The following PRDM12 variants were observed in gnomAD, a reference collection of about 807,000 sequenced individuals.
The protein encoded by PRDM12 is PR domain zinc finger protein 12.
Under a neutral mutation model 29.6 loss-of-function variants are expected in PRDM12, and 17 were observed. That is an observed-to-expected ratio of 0.57 (90% CI 0.39 to 0.86). The LOEUF is 0.86. Ranked by LOEUF, PRDM12 falls within the 40% of genes least tolerant of loss-of-function variation. The pLI is 0.00. For missense variants in PRDM12, 422 were observed against 510.8 expected, an observed-to-expected ratio of 0.83 and a Z score of 1.68; for synonymous variants, 231 against 225.8, an observed-to-expected ratio of 1.02 and a Z score of -0.21.
At chr9:130,679,621 C>T (rs73551840) in intron 4 of PRDM12, among the ~76,000 whole-genome samples, 7,624 of 152,038 alleles carry the variant, frequency 0.05, 640 homozygotes, top group African/African-American at 0.17. Context: ...GCGTAAGCCA[C>T]GGCACCTGGC....
At chr9:130,669,741 G>A (rs548504439) in intron 3 of PRDM12, among the ~76,000 whole-genome samples, 4 of 150,072 alleles carry the variant, frequency 2.7e-5, no homozygotes, top group East Asian at 2.0e-4. Flanking sequence ...GCGTGAACCC[G>A]GGAGGCGGAG....
chr9:130,676,317 C>T (rs1564247700), intron 3 of PRDM12, among the ~76,000 whole-genome samples: 1 of 151,940 alleles, frequency 6.6e-6, no homozygotes, highest in African/African-American at 2.4e-5. Flanking sequence ...GGTGAAACCC[C>T]GTCTCTACTA....
chr9:130,666,418 A>C (rs1830733522), intron 1 of PRDM12, among the ~76,000 whole-genome samples, 190 bp from the exon 2 acceptor site: 1 of 152,250 alleles, frequency 6.6e-6, no homozygotes, highest in Non-Finnish European at 1.5e-5. Flanking sequence ...TCCAGGTTGC[A>C]AACAGAGGAG....
At chr9:130,676,737 A>T (rs2132602139) in intron 3 of PRDM12, among the ~76,000 whole-genome samples, 1 of 152,160 alleles carries the variant, frequency 6.6e-6, no homozygotes, top group Admixed American at 6.5e-5. Context: ...ATGTTTCCAC[A>T]TTGGCTTCTC....
chr9:130,673,774 C>T (rs1394595085), intron 3 of PRDM12, among the ~76,000 whole-genome samples: 3 of 145,998 alleles, frequency 2.1e-5, no homozygotes, highest in East Asian at 2.1e-4. Flanking sequence ...TGGATTCAAG[C>T]GATTCTCCTG....
Position 130,664,603 on chromosome 9 carries a change from C to A in PRDM12, c.-51C>A. 1 of 1,437,634 alleles carries A rather than the reference C, an allele frequency of 7.0e-7. No homozygotes were observed. Among genetic ancestry groups the A allele is most frequent in the Non-Finnish European group, 9.2e-7 (1 of 1,084,412 alleles). The allele number at this position is 1,437,634 out of a possible 1,614,324, so 89.1% of individuals were successfully genotyped here. ...TTGGGCTCCCCTCTCGCCCGCCCAC[C>A]TCCCCCGTCGGCCCGGCCGTCCCCC... On this transcript the variant is annotated 5_prime_UTR_variant, in exon 1 of 5. Transcript: ENST00000253008. This position sits in a 1 kb window ranked among gnomAD's most constrained non-coding sequence, Gnocchi z 6.4.
chr9:130,664,685 T>C lies in PRDM12; in HGVS notation c.32T>C (p.Leu11Pro). The C allele has an allele frequency of 6.3e-7, 1 of 1,586,302 alleles. No individual in the cohort carries two copies. The highest frequency in any genetic ancestry group is 1.1e-5 in the South Asian group (1 of 89,894). The change falls in exon 1 of 5, where the codon CTG (leucine) becomes CCG (proline). Residue 11 changes from leucine to proline, a missense_variant. Leu to Pro is a moderately conservative substitution (Grantham distance 98, BLOSUM62 -3). Coordinates refer to ENST00000253008, the MANE Select transcript of PRDM12 (RefSeq NM_021619.3). The surrounding 1 kb of genome is among the most constrained non-coding windows in gnomAD (Gnocchi z 6.4). Reference sequence around the variant, plus strand: ...GGCTCCGTGCTCCCGGCTGAGGCCCTGGTGCTCAAGACCGGGCTGAAGGCG... The same window carrying C: ...GGCTCCGTGCTCCCGGCTGAGGCCCCGGTGCTCAAGACCGGGCTGAAGGCG... MMGSVLPAEALVLKTGLKAPG... is the reference protein window; with the variant it reads MMGSVLPAEAPVLKTGLKAPG...
chr9:130,677,651 C>T (rs984015081), intron 3 of PRDM12, among the ~76,000 whole-genome samples: 1 of 152,210 alleles, frequency 6.6e-6, no homozygotes, highest in African/African-American at 2.4e-5. Context: ...GGAGCTTCCC[C>T]ACTTGGGAGG....
Position 130,681,383 on chromosome 9 carries a change from G to T in PRDM12, c.818G>T (p.Cys273Phe). ...CACACGCTGGACAAGCCCTTCGTGTGCCGCTTCTGCAACCGCCGCTTCAGC... is the reference window on the plus strand; with the variant it reads ...CACACGCTGGACAAGCCCTTCGTGTTCCGCTTCTGCAACCGCCGCTTCAGC... ...RIHTLDKPFVCRFCNRRFSQS... is the reference protein window; with the variant it reads ...RIHTLDKPFVFRFCNRRFSQS... Residue 273 changes from cysteine (C) to phenylalanine (F), a missense_variant, in exon 5 of 5, where the codon TGC becomes TTC. Physicochemically the swap from Cys to Phe is radical, Grantham distance 205 (BLOSUM62 -2). This residue lies in a region of PRDM12 where 28 missense variants were observed against 18.3 expected (regional missense o/e 1.53). Coordinates refer to ENST00000253008, the MANE Select transcript of PRDM12 (RefSeq NM_021619.3). The surrounding 1 kb of genome is among the most constrained non-coding windows in gnomAD (Gnocchi z 8.1). 1 of 1,592,634 alleles carries T rather than the reference G, an allele frequency of 6.3e-7. No homozygotes were observed. The highest frequency in any genetic ancestry group is 8.5e-7 in the Non-Finnish European group (1 of 1,171,472).
chr9:130,677,294 C>A (rs560269584), intron 3 of PRDM12, among the ~76,000 whole-genome samples: 1 of 152,128 alleles, frequency 6.6e-6, no homozygotes, highest in Non-Finnish European at 1.5e-5. Context: ...CAGGCTCTGA[C>A]CAGAGGAAGG....
At chr9:130,676,262 G>A (rs1368402869) in intron 3 of PRDM12, among the ~76,000 whole-genome samples, 7 of 152,206 alleles carry the variant, frequency 4.6e-5, no homozygotes, top group South Asian at 2.1e-4. Flanking sequence ...AGACCGAGGC[G>A]GGCGGATCAC....
chr9:130,667,539 C>CG (rs1554752082), intron 2 of PRDM12, among the ~76,000 whole-genome samples: 5 of 151,974 alleles, frequency 3.3e-5, no homozygotes, highest in East Asian at 1.9e-4. Flanking sequence ...CAGCTCCCCC[C>CG]GGCGGACCCT....
At chr9:130,669,462 G>A (rs753376104) in intron 3 of PRDM12, among the ~76,000 whole-genome samples, 2 of 152,026 alleles carry the variant, frequency 1.3e-5, no homozygotes, top group African/African-American at 2.4e-5. Context: ...GGCAGAGGTT[G>A]CAGTGAGCCG....
intron 3 of PRDM12, among the ~76,000 whole-genome samples, chr9:130,675,785 C>G (rs1416504152): frequency 2.0e-5 from 3 of 152,198 alleles, no homozygotes; most frequent in African/African-American, 7.2e-5. Context: ...CCAGACTGAG[C>G]AGGAACCCCC....
rs1830749912 is a variant in PRDM12, at chr9:130,668,083, T to G, written c.415-75T>G. On this transcript the variant is annotated intron_variant, in intron 2 of 4. Transcript: ENST00000253008. This position sits in a 1 kb window ranked among gnomAD's most constrained non-coding sequence, Gnocchi z 4.0. ...GGCTGTTGTGAGGATGGAGAGTGTG[T>G]GTGTGGATGTGCCTGGAAGATGGTA... is the stretch of plus-strand genomic sequence containing the variant. The G allele has an allele frequency of 2.0e-6, 3 of 1,518,838 alleles. No individual in the cohort carries two copies. The highest frequency in any genetic ancestry group is 3.4e-5 in the Admixed American group (2 of 58,300). 94.1% of individuals were successfully genotyped at this position (1,518,838 alleles called of 1,614,324 possible).
rs1292564833 is a variant in PRDM12, at chr9:130,668,154, C to G, written c.415-4C>G. On this transcript the variant is annotated splice_region_variant and splice_polypyrimidine_tract_variant and intron_variant, in intron 2 of 4. Coordinates refer to ENST00000253008, the MANE Select transcript of PRDM12 (RefSeq NM_021619.3). This position sits in a 1 kb window ranked among gnomAD's most constrained non-coding sequence, Gnocchi z 4.0. Reference sequence around the variant, plus strand: ...TACCTGGTCCTTGATCCATCTGTGCCCAGGTGTTCAATGAGGATGGCACGG... The same window carrying G: ...TACCTGGTCCTTGATCCATCTGTGCGCAGGTGTTCAATGAGGATGGCACGG... 6.2e-7 allele frequency: 1 copy of G among 1,614,010 alleles called. No individual in the cohort carries two copies. The highest frequency in any genetic ancestry group is 8.5e-7 in the Non-Finnish European group (1 of 1,179,990).
intron 4 of PRDM12, among the ~76,000 whole-genome samples, chr9:130,680,631 A>AT (rs1830886087): frequency 5.3e-4 from 41 of 77,104 alleles, no homozygotes; most frequent in Admixed American, 1.8e-3. Flanking sequence ...TCTAAAAAAA[A>AT]AAAATATATA....
chr9:130,679,269 A>AAAACCCAGGGAAT (rs1168493188), intron 4 of PRDM12, among the ~76,000 whole-genome samples: 3 of 151,282 alleles, frequency 2.0e-5, no homozygotes, highest in Non-Finnish European at 2.9e-5. Context: ...TTTGGCAGAT[A>AAAACCCAGGGAAT]TCATCCCACT....
Position 130,681,557 on chromosome 9 carries a change from A to G in PRDM12, c.992A>G (p.Gln331Arg). ...CACCGGCCGCCCAGCACCGCGCTGC[A>G]GGCACACTCGCCCGCGCTGCCCGCC... The part of the protein sequence containing the change: ...ARHRPPSTAL[Q>R]AHSPALPAPH... Residue 331 changes from glutamine to arginine, a missense_variant, in exon 5 of 5, where the codon CAG becomes CGG. By Grantham distance (43) the Gln-to-Arg change is conservative. Coordinates refer to ENST00000253008, the MANE Select transcript of PRDM12 (RefSeq NM_021619.3). The surrounding 1 kb of genome is among the most constrained non-coding windows in gnomAD (Gnocchi z 8.1). The G allele has an allele frequency of 8.1e-7, 1 of 1,229,032 alleles. No homozygotes were observed. The highest frequency in any genetic ancestry group is 1.0e-6 in the Non-Finnish European group (1 of 985,840). The allele number at this position is 1,229,032 out of a possible 1,614,324, so 76.1% of individuals were successfully genotyped here. A position where few individuals can be genotyped will look rare whatever the true frequency, so the allele number is the denominator to read the frequency against.
Sources: gnomAD v4.1 joint callset for allele counts (sites outside exome capture counted in the v4.1 genomes callset) on GRCh38, gnomAD v4.1.1 for gene constraint, gnomAD v4.1.1 regional missense constraint, Gnocchi (gnomAD v3.1) non-coding constraint, MANE v1.5 for transcripts, NCBI Gene and HGNC (gene_info 2026-07-23, HGNC 2026-07-21) for gene names.